DCUN1D4: variants seen among roughly 807,000 people sequenced by gnomAD.
The protein encoded by DCUN1D4 is defective in cullin neddylation 1 domain containing 4.
DCUN1D4 carries 22 observed loss-of-function variants against 47.9 expected under a neutral mutation model. That is an observed-to-expected ratio of 0.46 (90% CI 0.33 to 0.66). DCUN1D4 has a LOEUF of 0.66. Ranked by LOEUF, DCUN1D4 falls within the 30% of genes least tolerant of loss-of-function variation. The pLI is 0.02. For synonymous variants in DCUN1D4, 121 were observed against 112.2 expected, an observed-to-expected ratio of 1.08 and a Z score of -0.50; for missense variants, 301 against 340.8, an observed-to-expected ratio of 0.88 and a Z score of 0.92.
upstream of DCUN1D4, among the ~76,000 whole-genome samples, chr4:51,840,855 G>A (rs1390510189): frequency 1.3e-5 from 2 of 152,184 alleles, no homozygotes; most frequent in Non-Finnish European, 2.9e-5. Context: ...AATGAGCTTT[G>A]CCTCTCAATC....
rs1451986820 is a variant in DCUN1D4, at chr4:51,913,306, T to C, written c.737T>C (p.Val246Ala). ...CTCCATCAGCAATCAAAATACAAAG[T>C]TATTAATAAAGACCAGTGGTGCAAT... ...HQFLEQSKYK[V>A]INKDQWCNVL... The change falls in exon 10 of 11, where the codon GTT becomes GCT. Residue 246 changes from valine to alanine, a missense_variant. By Grantham distance (64) the Val-to-Ala change is moderately conservative. Around this residue, in one of 2 missense-constraint regions of DCUN1D4, gnomAD observed 170 missense variants for 234.5 expected, o/e 0.73. Coordinates refer to ENST00000334635, the MANE Select transcript of DCUN1D4 (RefSeq NM_001040402.3). 6.2e-7 allele frequency: 1 copy of C among 1,607,588 alleles called. No individual in the cohort carries two copies. Among genetic ancestry groups the C allele is most frequent in the East Asian group, 2.2e-5 (1 of 44,614 alleles).
chr4:51,883,408 T>C (rs1461763132), intron 5 of DCUN1D4, among the ~76,000 whole-genome samples: 2 of 152,224 alleles, frequency 1.3e-5, no homozygotes, highest in Non-Finnish European at 2.9e-5. Flanking sequence ...TGAATTGATG[T>C]GTAGTGTGTC....
intron 3 of DCUN1D4, among the ~76,000 whole-genome samples, chr4:51,868,515 A>C (rs1413051541): frequency 6.6e-6 from 1 of 152,220 alleles, no homozygotes; most frequent in Non-Finnish European, 1.5e-5. Flanking sequence ...TTATAGCATC[A>C]CTTGTGATTC....
rs77109542 is a variant in DCUN1D4, at chr4:51,858,601, T to A, written c.26-4836T>A. Among the ~76,000 whole-genome samples, 1,127 of 152,380 alleles carry A rather than the reference T, an allele frequency of 7.4e-3. 6 individuals are homozygous for A. The highest frequency in any genetic ancestry group is 0.012 in the Non-Finnish European group (804 of 68,038). ...CCCCTCTGTTTACTGAATTATTATG[T>A]CTTCTCCATTGAGTTTGAAATGCCA... On this transcript the variant is annotated intron_variant, in intron 1 of 10. Transcript: ENST00000334635.
upstream of DCUN1D4, among the ~76,000 whole-genome samples, chr4:51,838,845 C>T (rs988406233): frequency 2.6e-5 from 4 of 152,148 alleles, no homozygotes; most frequent in East Asian, 1.9e-4. Flanking sequence ...GGAACTGAGG[C>T]GGGCAGATCA....
chr4:51,858,457 G>A (rs1724492468), intron 1 of DCUN1D4, among the ~76,000 whole-genome samples: 1 of 152,156 alleles, frequency 6.6e-6, no homozygotes, highest in Non-Finnish European at 1.5e-5. Context: ...CAGATGCAGG[G>A]TGTACAAGGC....
At chr4:51,875,865 A>G (rs1727592758) in intron 4 of DCUN1D4, among the ~76,000 whole-genome samples, 1 of 152,106 alleles carries the variant, frequency 6.6e-6, no homozygotes. Flanking sequence ...TGAATAATTT[A>G]TATAGTGTCT....
At chr4:51,851,821 A>G (rs751624287) in intron 1 of DCUN1D4, among the ~76,000 whole-genome samples, 5 of 152,194 alleles carry the variant, frequency 3.3e-5, no homozygotes, top group South Asian at 2.1e-4. Context: ...TGTTTCACAG[A>G]TGAGGACGCT....
At chr4:51,880,840 A>G (rs1728485250) in intron 5 of DCUN1D4, among the ~76,000 whole-genome samples, 1 of 152,148 alleles carries the variant, frequency 6.6e-6, no homozygotes, top group African/African-American at 2.4e-5. Context: ...ATTAGAATGA[A>G]GACAACCAGG....
intron 8 of DCUN1D4, among the ~76,000 whole-genome samples, chr4:51,907,064 T>G (rs1578051069): frequency 6.6e-6 from 1 of 152,206 alleles, no homozygotes; most frequent in Non-Finnish European, 1.5e-5. Context: ...AACCATAGAA[T>G]TAGAAATAAT....
At chr4:51,885,392 A>G (rs1729310280) in intron 5 of DCUN1D4, among the ~76,000 whole-genome samples, 3 of 152,210 alleles carry the variant, frequency 2.0e-5, no homozygotes, top group South Asian at 4.1e-4. Context: ...GGAATACAGG[A>G]AGACTCCCAG....
At chr4:51,858,585 T>C (rs1011893542) in intron 1 of DCUN1D4, among the ~76,000 whole-genome samples, 3 of 152,246 alleles carry the variant, frequency 2.0e-5, no homozygotes, top group Admixed American at 6.5e-5. Context: ...GCCCCTCTGT[T>C]TACTGAATTA....
intron 1 of DCUN1D4, among the ~76,000 whole-genome samples, chr4:51,862,967 C>T (rs1725302324): frequency 6.6e-6 from 1 of 152,140 alleles, no homozygotes; most frequent in Non-Finnish European, 1.5e-5. Context: ...ACCATGATTG[C>T]ACCACTGCAC....
At chr4:51,843,442 T>TGGGGCG (rs1553914510) in intron 1 of DCUN1D4, 175 bp downstream of exon 1, 2 of 1,010,796 alleles carry the variant, frequency 2.0e-6, no homozygotes, top group Admixed American at 5.4e-5. Context: ...GCGGGCGGCG[T>TGGGGCG]GGGGCGGGGG....
At chr4:51,862,540 GGA>G (rs1364285270) in intron 1 of DCUN1D4, among the ~76,000 whole-genome samples, 7 of 152,040 alleles carry the variant, frequency 4.6e-5, no homozygotes, top group Non-Finnish European at 1.0e-4. Flanking sequence ...GGTATAACTT[GGA>G]GAGTTACAAT....
At chr4:51,897,227 T>G (rs1731404434) in intron 7 of DCUN1D4, among the ~76,000 whole-genome samples, 1 of 152,236 alleles carries the variant, frequency 6.6e-6, no homozygotes, top group African/African-American at 2.4e-5. Flanking sequence ...CTTTCTAAAT[T>G]GTTCTGTTTC....
chr4:51,894,715 C>T (rs1373470486), intron 7 of DCUN1D4, among the ~76,000 whole-genome samples: 1 of 152,106 alleles, frequency 6.6e-6, no homozygotes, highest in Non-Finnish European at 1.5e-5. Context: ...TTTTGGATTT[C>T]TTTTCTATTT....
At chr4:51,849,958 G>A (rs1364826607) in intron 1 of DCUN1D4, among the ~76,000 whole-genome samples, 2 of 151,972 alleles carry the variant, frequency 1.3e-5, no homozygotes, top group South Asian at 2.1e-4. Context: ...ATAATTTCAC[G>A]TATTATAAAA....
At chr4:51,876,760 A>G (rs545675369) in intron 4 of DCUN1D4, among the ~76,000 whole-genome samples, 2 of 152,184 alleles carry the variant, frequency 1.3e-5, no homozygotes, top group Admixed American at 6.5e-5. Context: ...GGACTTGAGT[A>G]TGTGTAGATT....
Sources: allele counts gnomAD v4.1 joint callset (sites outside exome capture counted in the v4.1 genomes callset), GRCh38; gene constraint gnomAD v4.1.1; regional missense constraint gnomAD v4.1.1; transcripts MANE v1.5; gene names NCBI Gene and HGNC (gene_info 2026-07-23, HGNC 2026-07-21).